The following RIMS1 variants were observed in gnomAD, a reference collection of about 807,000 sequenced individuals.
The protein encoded by RIMS1 is regulating synaptic membrane exocytosis 1, also known as regulating synaptic membrane exocytosis protein 1.
RIMS1 carries 83 observed loss-of-function variants against 214.1 expected under a neutral mutation model. That is an observed-to-expected ratio of 0.39 (90% confidence interval 0.32 to 0.47). The LOEUF is 0.47. Among genes scored for constraint, RIMS1 ranks in the 20% least tolerant of loss-of-function variants. The pLI is 0.99. For synonymous variants in RIMS1, 793 were observed against 786.8 expected (o/e 1.01, Z -0.13); for missense variants, 2,050 against 2,161.8 (o/e 0.95, Z 1.03).
At chr6:72,277,401 G>A (rs901603562) in intron 23 of RIMS1, among the ~76,000 whole-genome samples, 5 of 152,100 alleles carry the variant, frequency 3.3e-5, no homozygotes, top group Non-Finnish European at 7.4e-5. Flanking sequence ...CTAACACAGT[G>A]AAACCCCGTC....
At chr6:72,337,476 T>C (rs1282249332) in intron 29 of RIMS1, among the ~76,000 whole-genome samples, 1 of 151,856 alleles carries the variant, frequency 6.6e-6, no homozygotes, top group Non-Finnish European at 1.5e-5. Flanking sequence ...TAGAGCTTTT[T>C]CCATGCTCTC....
intron 29 of RIMS1, among the ~76,000 whole-genome samples, chr6:72,368,024 A>G (rs1468890405): frequency 1.3e-5 from 2 of 152,132 alleles, no homozygotes; most frequent in Admixed American, 1.3e-4. Context: ...GATGGCTTTA[A>G]TACATTTGTA....
At position 72,221,827 on chromosome 6, in the gene RIMS1, A is replaced by G. The variant is rs570539405; in HGVS notation, c.1679-11946A>G. 3.9e-5 allele frequency among the ~76,000 whole-genome samples: 6 copies of G among 152,104 alleles called. No individual in the cohort carries two copies. In the East Asian group the frequency reaches 9.6e-4, roughly 24 times the overall value. ...TAATTTGGTATTTCTCATGGATTCT[A>G]TATTTCTCCAGCTCAATCCTGCTGT... On this transcript the variant is annotated intron_variant, in intron 6 of 33. Transcript: ENST00000521978.
At chr6:71,925,364 C>T in intron 1 of RIMS1, among the ~76,000 whole-genome samples, 1 of 152,078 alleles carries the variant, frequency 6.6e-6, no homozygotes, top group East Asian at 1.9e-4. Context: ...GATGAGACTT[C>T]ATAGAGATCT....
chr6:71,907,581 CTAA>C (rs1321574375), intron 1 of RIMS1, among the ~76,000 whole-genome samples: 1 of 152,000 alleles, frequency 6.6e-6, no homozygotes, highest in Non-Finnish European at 1.5e-5. Flanking sequence ...AAAAATTTTT[CTAA>C]TATTTTAAAA....
intron 1 of RIMS1, among the ~76,000 whole-genome samples, chr6:71,926,721 G>T (rs1781683649): frequency 6.6e-6 from 1 of 152,114 alleles, no homozygotes; most frequent in Non-Finnish European, 1.5e-5. Context: ...ACTTCTAAGT[G>T]TTTAACTTCT....
At chr6:71,959,458 A>G (rs1792260871) in intron 1 of RIMS1, among the ~76,000 whole-genome samples, 1 of 152,152 alleles carries the variant, frequency 6.6e-6, no homozygotes, top group Non-Finnish European at 1.5e-5. Context: ...ACTTACATAC[A>G]TAGAAGTATC....
At chr6:72,133,357 A>G (rs1186484091) in intron 4 of RIMS1, among the ~76,000 whole-genome samples, 1 of 152,060 alleles carries the variant, frequency 6.6e-6, no homozygotes. Flanking sequence ...AATGCGTTAG[A>G]AAAAAAGAAA....
chr6:71,987,697 C>T (rs1054382131), intron 2 of RIMS1, among the ~76,000 whole-genome samples: 5 of 151,974 alleles, frequency 3.3e-5, no homozygotes, highest in East Asian at 1.9e-4. Flanking sequence ...CCAGAAGGGT[C>T]GGCTACAATA....
chr6:72,251,011 A>C lies in RIMS1; in HGVS notation c.2463A>C (p.Arg821Ser). 1.3e-6 allele frequency: 2 copies of C among 1,570,916 alleles called. No homozygotes were observed. Among genetic ancestry groups the C allele is most frequent in the East Asian group, 2.3e-5 (1 of 42,774 alleles). Reference sequence around the variant, plus strand: ...TTGTCTATTCACATGTACATCGTAGAGATTTTAGAGAACGAATGTTAGAAA... The same window carrying C: ...TTGTCTATTCACATGTACATCGTAGCGATTTTAGAGAACGAATGTTAGAAA... ...QTFVYSHVHR[R>S]DFRERMLEIT... The change falls in exon 14 of 34, where the codon AGA becomes AGC. Residue 821 changes from arginine to serine, a missense_variant. By Grantham distance (110) the Arg-to-Ser change is moderately radical. Around this residue, in one of 6 missense-constraint regions of RIMS1, gnomAD observed 889 missense variants for 885.5 expected, o/e 1.00. Transcript: ENST00000521978.
At chr6:72,027,406 A>T (rs1816834081) in intron 2 of RIMS1, among the ~76,000 whole-genome samples, 1 of 152,046 alleles carries the variant, frequency 6.6e-6, no homozygotes, top group South Asian at 2.1e-4. Flanking sequence ...TACCACCAAA[A>T]CTCTTAAAAA....
At chr6:72,213,113 G>A in intron 6 of RIMS1, 1 of 1,536,864 alleles carries the variant, frequency 6.5e-7, no homozygotes. Flanking sequence ...TTATTTCCAA[G>A]TTTGCTGTCA....
intron 4 of RIMS1, among the ~76,000 whole-genome samples, chr6:72,144,409 G>C (rs1395689822): frequency 2.6e-5 from 4 of 152,170 alleles, no homozygotes; most frequent in Non-Finnish European, 2.9e-5. Flanking sequence ...CAGTGATGTA[G>C]TATTTTTCTT....
At chr6:72,070,474 A>G (rs1326149238) in intron 2 of RIMS1, among the ~76,000 whole-genome samples, 1 of 152,214 alleles carries the variant, frequency 6.6e-6, no homozygotes, top group Non-Finnish European at 1.5e-5. Context: ...TAGGGCAAGT[A>G]CTGTTGCCTG....
At chr6:72,013,202 C>T (rs2151880805) in intron 2 of RIMS1, among the ~76,000 whole-genome samples, 1 of 152,214 alleles carries the variant, frequency 6.6e-6, no homozygotes, top group South Asian at 2.1e-4. Flanking sequence ...CAGAAAATAA[C>T]CCCAATATTG....
intron 2 of RIMS1, among the ~76,000 whole-genome samples, chr6:72,074,280 T>C (rs957287777): frequency 2.6e-5 from 4 of 152,224 alleles, no homozygotes; most frequent in Non-Finnish European, 5.9e-5. Flanking sequence ...CTGGTATTCA[T>C]AGTTATTTTT....
At chr6:72,333,548 A>T in intron 28 of RIMS1, 52 bp from the exon 29 acceptor site, 1 of 1,338,620 alleles carries the variant, frequency 7.5e-7, no homozygotes, top group Non-Finnish European at 1.0e-6. Flanking sequence ...AATTTCAGTG[A>T]TGCTGACCTG....
intron 29 of RIMS1, among the ~76,000 whole-genome samples, chr6:72,373,073 TAACCAC>T (rs2098268488): frequency 6.6e-6 from 1 of 152,254 alleles, no homozygotes; most frequent in Non-Finnish European, 1.5e-5. Context: ...AGGAGCTAAG[TAACCAC>T]AGGCTAAGGG....
At chr6:72,006,242 C>T (rs986139444) in intron 2 of RIMS1, among the ~76,000 whole-genome samples, 1 of 152,190 alleles carries the variant, frequency 6.6e-6, no homozygotes, top group African/African-American at 2.4e-5. Context: ...AATATTTCAA[C>T]ATATGAATGT....
Sources: gnomAD v4.1 joint callset for allele counts (sites outside exome capture counted in the v4.1 genomes callset) on GRCh38, gnomAD v4.1.1 for gene constraint, gnomAD v4.1.1 regional missense constraint, MANE v1.5 for transcripts, NCBI Gene and HGNC (gene_info 2026-07-23, HGNC 2026-07-21) for gene names.